Variants in TRIM55 observed in about 807,000 individuals in gnomAD.
TRIM55 encodes the protein tripartite motif containing 55, also known as tripartite motif-containing protein 55.
A neutral mutation model predicts 60.9 loss-of-function variants in TRIM55; 50 were observed. That is an observed-to-expected ratio of 0.82 (90% CI 0.65 to 1.04). TRIM55 has a LOEUF of 1.04. Among genes scored for constraint, TRIM55 ranks in the 50% least tolerant of loss-of-function variants. The probability of loss-of-function intolerance (pLI) is 0.00; values close to 1 mark genes in which losing one functional copy is unlikely to be tolerated. For missense variants in TRIM55, 681 were observed against 666.9 expected (o/e 1.02, Z -0.23); for synonymous variants, 237 against 238.1 (o/e 1.00, Z 0.04).
At chr8:66,141,997 G>A (rs983381569) in intron 4 of TRIM55, among the ~76,000 whole-genome samples, 10 of 152,228 alleles carry the variant, frequency 6.6e-5, no homozygotes, top group Admixed American at 6.5e-5. Context: ...CAGAGTTTGA[G>A]TTTTAGTTCT....
In TRIM55 at chr8:66,154,277, G is replaced by T. The variant is rs61745245; in HGVS notation, c.1467G>T (p.Ala489=). 3 of 1,614,086 alleles carry T rather than the reference G, an allele frequency of 1.9e-6. No homozygotes were observed. Among genetic ancestry groups the T allele is most frequent in the Non-Finnish European group, 2.5e-6 (3 of 1,180,032 alleles). The change falls in exon 9 of 10, where the codon GCG becomes GCT. Residue 489 remains alanine, a synonymous_variant. Coordinates refer to ENST00000315962, the MANE Select transcript of TRIM55 (RefSeq NM_184085.2). The part of the protein sequence containing the change: ...VRKAEVAAAA[A]SERAAVSGKE... ...AGGCAGAAGTGGCAGCAGCCGCAGCGAGTGAGAGGGCAGCTGTGAGTGGTA... is the reference window on the plus strand; with the variant it reads ...AGGCAGAAGTGGCAGCAGCCGCAGCTAGTGAGAGGGCAGCTGTGAGTGGTA...
chr8:66,163,177 A>C (rs1811143509), intron 9 of TRIM55, among the ~76,000 whole-genome samples: 1 of 152,156 alleles, frequency 6.6e-6, no homozygotes, highest in African/African-American at 2.4e-5. Context: ...TGTAGTCTCC[A>C]GCTTCAATCT....
At chr8:66,123,801 T>C (rs1174297232), upstream of TRIM55, among the ~76,000 whole-genome samples, 2 of 152,168 alleles carry the variant, frequency 1.3e-5, no homozygotes, top group Admixed American at 6.5e-5. Flanking sequence ...GAGGTTTCAG[T>C]GAGCTATGAT....
intron 4 of TRIM55, among the ~76,000 whole-genome samples, chr8:66,139,109 G>A (rs1402379105): frequency 1.3e-5 from 2 of 152,110 alleles, no homozygotes; most frequent in African/African-American, 4.8e-5. Flanking sequence ...GAAACAGACA[G>A]TACAAACTTT....
chr8:66,120,954 G>A, the TRIM55 span, among the ~76,000 whole-genome samples: 1 of 152,226 alleles, frequency 6.6e-6, no homozygotes, highest in Non-Finnish European at 1.5e-5. Context: ...GACAGACCAT[G>A]CCCTTTACTT....
chr8:66,170,677 A>G (rs1811576475), intron 9 of TRIM55, among the ~76,000 whole-genome samples: 2 of 152,174 alleles, frequency 1.3e-5, no homozygotes, highest in African/African-American at 4.8e-5. Context: ...TAAAATTGGA[A>G]CCCTCATGCA....
At chr8:66,114,458 C>A in the TRIM55 span, 1 of 443,884 alleles carries the variant, frequency 2.3e-6, no homozygotes, top group Admixed American at 2.4e-5. Context: ...GGGGGAAATT[C>A]ACGAAACTGG....
intron 9 of TRIM55, among the ~76,000 whole-genome samples, chr8:66,174,160 C>T (rs1811791422): frequency 6.7e-6 from 1 of 149,848 alleles, no homozygotes. Context: ...AAATCATGTA[C>T]AAGTGGACTT....
At chr8:66,169,071 T>A (rs1280049863) in intron 9 of TRIM55, among the ~76,000 whole-genome samples, 2 of 152,094 alleles carry the variant, frequency 1.3e-5, no homozygotes, top group African/African-American at 4.8e-5. Context: ...CTGGGAAACT[T>A]AGAGACTCAA....
intron 1 of TRIM55, among the ~76,000 whole-genome samples, chr8:66,127,645 G>T (rs898862045): frequency 1.3e-5 from 2 of 151,964 alleles, no homozygotes; most frequent in African/African-American, 4.8e-5. Flanking sequence ...TGGCCAACAT[G>T]GCAAAACCCC....
intron 7 of TRIM55, among the ~76,000 whole-genome samples, chr8:66,151,127 A>C (rs561294107): frequency 6.6e-6 from 1 of 152,344 alleles, no homozygotes; most frequent in South Asian, 2.1e-4. Flanking sequence ...AAAACAATAC[A>C]TAGGAGGCAT....
At chr8:66,114,184 G>C in the TRIM55 span, among the ~76,000 whole-genome samples, 5 of 150,086 alleles carry the variant, frequency 3.3e-5, no homozygotes, top group Non-Finnish European at 7.4e-5. Context: ...GCCGTGCCCA[G>C]CCGTGGGGGA....
intron 9 of TRIM55, among the ~76,000 whole-genome samples, chr8:66,154,550 T>C (rs1039400030): frequency 4.6e-5 from 7 of 152,222 alleles, no homozygotes; most frequent in African/African-American, 1.7e-4. Context: ...ACTCTCCTGG[T>C]GCATGGTGAC....
intron 7 of TRIM55, among the ~76,000 whole-genome samples, chr8:66,151,690 A>G (rs1810427068): frequency 6.6e-6 from 1 of 151,970 alleles, no homozygotes; most frequent in Admixed American, 6.5e-5. Context: ...AAAAATACAA[A>G]AAAATTAGCC....
intron 9 of TRIM55, among the ~76,000 whole-genome samples, chr8:66,165,344 A>C (rs1228115568): frequency 6.6e-6 from 1 of 152,108 alleles, no homozygotes; most frequent in Non-Finnish European, 1.5e-5. Context: ...CTAGAGACTG[A>C]GAGGTGAGAG....
At chr8:66,118,007 A>C in the TRIM55 span, among the ~76,000 whole-genome samples, 2 of 151,028 alleles carry the variant, frequency 1.3e-5, no homozygotes, top group Non-Finnish European at 3.0e-5. Flanking sequence ...TCTACTAAAA[A>C]ATACAAAAAA....
intron 4 of TRIM55, among the ~76,000 whole-genome samples, chr8:66,142,659 C>T (rs1358958658): frequency 6.6e-6 from 1 of 152,214 alleles, no homozygotes; most frequent in Admixed American, 6.5e-5. Flanking sequence ...TATAATTATC[C>T]TTCGAACATG....
At chr8:66,169,062 T>C (rs1394669726) in intron 9 of TRIM55, among the ~76,000 whole-genome samples, 1 of 152,160 alleles carries the variant, frequency 6.6e-6, no homozygotes, top group East Asian at 1.9e-4. Flanking sequence ...ATGGAGGCCC[T>C]GGGAAACTTA....
At chr8:66,147,535 G>A (rs1009021359) in intron 4 of TRIM55, among the ~76,000 whole-genome samples, 3 of 151,996 alleles carry the variant, frequency 2.0e-5, no homozygotes, top group South Asian at 2.1e-4. Context: ...GGTGGCTCAC[G>A]CCTGTAATCC....
Sources: gnomAD v4.1 joint callset for allele counts (sites outside exome capture counted in the v4.1 genomes callset) on GRCh38, gnomAD v4.1.1 for gene constraint, MANE v1.5 for transcripts, NCBI Gene and HGNC (gene_info 2026-07-23, HGNC 2026-07-21) for gene names.